The following FOXP2 variants were observed in gnomAD, a reference collection of about 807,000 sequenced individuals.
FOXP2 encodes forkhead box P2, also known as forkhead box protein P2.
Under a neutral mutation model 115.8 loss-of-function variants are expected in FOXP2, and 12 were observed. The observed-to-expected ratio is 0.10, with a 90% confidence interval of 0.07 to 0.17. The LOEUF (loss-of-function observed/expected upper bound fraction) is 0.17, where lower values mean the gene tolerates loss of function less well. Among genes scored for constraint, FOXP2 ranks in the 10% least tolerant of loss-of-function variants. FOXP2 has a pLI of 1.00. For synonymous variants in FOXP2, 328 were observed against 297.7 expected, an observed-to-expected ratio of 1.10 and a Z score of -1.05; for missense variants, 629 against 843.5, an observed-to-expected ratio of 0.75 and a Z score of 3.15.
At chr7:114,416,852 G>C (rs1486966220) in intron 1 of FOXP2, among the ~76,000 whole-genome samples, 2 of 151,900 alleles carry the variant, frequency 1.3e-5, no homozygotes, top group South Asian at 2.1e-4. Flanking sequence ...AGGGTTACAG[G>C]TATCTGTTTA....
At chr7:114,292,473 G>A (rs1292285228) in intron 2 of FOXP2, among the ~76,000 whole-genome samples, 2 of 151,976 alleles carry the variant, frequency 1.3e-5, no homozygotes, top group Non-Finnish European at 2.9e-5. Context: ...CCAGAATGTG[G>A]CAAAACCCAA....
chr7:114,445,228 C>T (rs1310187399), intron 2 of FOXP2, among the ~76,000 whole-genome samples: 1 of 152,110 alleles, frequency 6.6e-6, no homozygotes, highest in Non-Finnish European at 1.5e-5. Flanking sequence ...TACTTGTTAA[C>T]TAAGGCAAGC....
chr7:114,256,142 A>T (rs1795606225), intron 1 of FOXP2, among the ~76,000 whole-genome samples: 1 of 151,974 alleles, frequency 6.6e-6, no homozygotes, highest in South Asian at 2.1e-4. Flanking sequence ...TGCTCTTGTT[A>T]CCCAGGCTGG....
intron 1 of FOXP2, among the ~76,000 whole-genome samples, chr7:114,255,208 G>A (rs945551381): frequency 2.7e-5 from 4 of 148,422 alleles, no homozygotes; most frequent in African/African-American, 1.0e-4. Context: ...CCCTACTGGC[G>A]ATGCCTCCCA....
chr7:114,585,771 G>A (rs1802103365), intron 3 of FOXP2, among the ~76,000 whole-genome samples: 1 of 152,158 alleles, frequency 6.6e-6, no homozygotes, highest in Non-Finnish European at 1.5e-5. Flanking sequence ...GGAGGCTGAA[G>A]TGGGAGAATC....
intron 2 of FOXP2, among the ~76,000 whole-genome samples, chr7:114,512,148 G>C (rs1008715178): frequency 6.6e-6 from 1 of 151,978 alleles, no homozygotes; most frequent in Admixed American, 6.6e-5. Context: ...ATGTTCTAGC[G>C]CCTTGCAACA....
intron 1 of FOXP2, among the ~76,000 whole-genome samples, chr7:114,152,095 G>C (rs1198167177): frequency 6.6e-6 from 1 of 151,998 alleles, no homozygotes; most frequent in African/African-American, 2.4e-5. Flanking sequence ...AGTTATTTTG[G>C]CCATTATCCC....
intron 2 of FOXP2, among the ~76,000 whole-genome samples, chr7:114,479,177 G>A (rs552307752): frequency 9.2e-5 from 14 of 151,644 alleles, no homozygotes; most frequent in African/African-American, 3.4e-4. Flanking sequence ...TTCCAGTAGT[G>A]GTTTTGTTTT....
intron 2 of FOXP2, among the ~76,000 whole-genome samples, chr7:114,311,577 G>A (rs554639772): frequency 5.2e-4 from 79 of 152,160 alleles, no homozygotes; most frequent in African/African-American, 1.9e-3. Flanking sequence ...ATATTCTGGT[G>A]CGTTTTCCTT....
intron 16 of FOXP2, among the ~76,000 whole-genome samples, chr7:114,681,588 A>C (rs547048001): frequency 3.3e-5 from 5 of 152,194 alleles, no homozygotes; most frequent in African/African-American, 1.2e-4. Context: ...TGTACAGAGC[A>C]TTTCAATGAT....
At chr7:114,362,838 G>A (rs1388029154) in intron 2 of FOXP2, among the ~76,000 whole-genome samples, 1 of 152,112 alleles carries the variant, frequency 6.6e-6, no homozygotes, top group Non-Finnish European at 1.5e-5. Context: ...AGGTGAACAA[G>A]TAAGGGGACA....
At chr7:114,168,932 C>G (rs1793058488) in intron 1 of FOXP2, among the ~76,000 whole-genome samples, 1 of 152,224 alleles carries the variant, frequency 6.6e-6, no homozygotes, top group African/African-American at 2.4e-5. Context: ...TCCGAGGGTT[C>G]AAGCCTCAAG....
intron 5 of FOXP2, among the ~76,000 whole-genome samples, chr7:114,630,430 GGCCC>G (rs1259400399): frequency 1.3e-5 from 2 of 152,146 alleles, no homozygotes; most frequent in African/African-American, 4.8e-5. Context: ...CAAAGTCACA[GGCCC>G]CTGATTAATG....
At chr7:114,239,413 TTAA>T (rs1345089130) in intron 1 of FOXP2, among the ~76,000 whole-genome samples, 1 of 152,238 alleles carries the variant, frequency 6.6e-6, no homozygotes, top group Non-Finnish European at 1.5e-5. Flanking sequence ...CCCGTACCTT[TTAA>T]TATCTTTTAT....
At chr7:114,408,448 C>T (rs1044712189) in intron 2 of FOXP2, among the ~76,000 whole-genome samples, 1 of 151,990 alleles carries the variant, frequency 6.6e-6, no homozygotes, top group Admixed American at 6.6e-5. Flanking sequence ...ATGAATGGGC[C>T]AGGCGCAGTG....
Position 114,631,713 on chromosome 7 carries a change from C to G in FOXP2, c.775+8C>G. On this transcript the variant is annotated splice_region_variant and intron_variant, in intron 6 of 16. Coordinates refer to ENST00000350908, the MANE Select transcript of FOXP2 (RefSeq NM_014491.4). ...TCCAATCGCTGCCTCAAGGTACATA[C>G]AAAATGTTGTGCACTCTTCATTTCA... The G allele has an allele frequency of 6.2e-7, 1 of 1,613,664 alleles. No homozygotes were observed. Among genetic ancestry groups the G allele is most frequent in the East Asian group, 2.2e-5 (1 of 44,872 alleles).
At chr7:114,467,792 A>G (rs1210989090) in intron 2 of FOXP2, among the ~76,000 whole-genome samples, 1 of 152,216 alleles carries the variant, frequency 6.6e-6, no homozygotes, top group African/African-American at 2.4e-5. Context: ...TTTGAAAAGC[A>G]TTAACAGTAA....
intron 1 of FOXP2, among the ~76,000 whole-genome samples, chr7:114,176,322 T>TC (rs1793307351): frequency 3.6e-5 from 4 of 111,204 alleles, no homozygotes; most frequent in African/African-American, 5.0e-5. Context: ...CTCTCTCTCT[T>TC]TCTTTTTCTT....
chr7:114,369,802 T>C (rs1791961268), intron 2 of FOXP2, among the ~76,000 whole-genome samples: 1 of 152,180 alleles, frequency 6.6e-6, no homozygotes, highest in Non-Finnish European at 1.5e-5. Flanking sequence ...ATTCATTTTA[T>C]TATATGCTTA....
Sources: allele counts gnomAD v4.1 joint callset (sites outside exome capture counted in the v4.1 genomes callset), GRCh38; gene constraint gnomAD v4.1.1; transcripts MANE v1.5; gene names NCBI Gene and HGNC (gene_info 2026-07-23, HGNC 2026-07-21).